Variants in FSTL4 observed in about 807,000 individuals in gnomAD.
FSTL4 encodes follistatin like 4.
A neutral mutation model predicts 78.2 loss-of-function variants in FSTL4; 28 were observed. The ratio of observed to expected loss-of-function variants is 0.36; its 90% CI spans 0.27 to 0.49. The LOEUF (loss-of-function observed/expected upper bound fraction) is 0.49. Among genes scored for constraint, FSTL4 ranks in the 20% least tolerant of loss-of-function variants. The probability of loss-of-function intolerance (pLI) is 0.98; values close to 1 mark genes in which losing one functional copy is unlikely to be tolerated. For missense variants in FSTL4, 922 were observed against 1,084.9 expected (o/e 0.85, Z 2.11); for synonymous variants, 422 against 440.5 (o/e 0.96, Z 0.53).
chr5:133,827,777 C>T, the FSTL4 span, among the ~76,000 whole-genome samples: 7 of 151,644 alleles, frequency 4.6e-5, no homozygotes, highest in East Asian at 1.4e-3. Context: ...CATCCTCAAG[C>T]AGAAGAGGGT....
chr5:133,680,365 T>G, the FSTL4 span, among the ~76,000 whole-genome samples: 3 of 152,148 alleles, frequency 2.0e-5, no homozygotes, highest in Non-Finnish European at 2.9e-5. Flanking sequence ...CCACCAGACG[T>G]GTAGCACCTG....
the FSTL4 span, among the ~76,000 whole-genome samples, chr5:133,782,262 T>A: frequency 6.6e-6 from 1 of 152,278 alleles, no homozygotes; most frequent in African/African-American, 2.4e-5. Flanking sequence ...ACATATTTTA[T>A]AACTACAACT....
At chr5:133,829,387 A>G in the FSTL4 span, among the ~76,000 whole-genome samples, 7 of 36,584 alleles carry the variant, frequency 1.9e-4, no homozygotes, top group Admixed American at 2.6e-3. Context: ...CTCTGTCTCA[A>G]AAAAAAAGAA....
At chr5:133,239,978 A>G (rs1007751852) in intron 7 of FSTL4, among the ~76,000 whole-genome samples, 2 of 152,252 alleles carry the variant, frequency 1.3e-5, no homozygotes, top group Admixed American at 6.5e-5. Context: ...AGACCTCCGG[A>G]GTCAGAAGTG....
chr5:133,836,846 G>T, the FSTL4 span, among the ~76,000 whole-genome samples: 1 of 152,214 alleles, frequency 6.6e-6, no homozygotes, highest in South Asian at 2.1e-4. Context: ...AAGGAAATTT[G>T]TCCTTTTTTC....
At chr5:133,423,496 C>T (rs1172322987) in intron 3 of FSTL4, among the ~76,000 whole-genome samples, 3 of 152,216 alleles carry the variant, frequency 2.0e-5, no homozygotes, top group Non-Finnish European at 4.4e-5. Context: ...CTGCCCAATT[C>T]TGCTGCTATG....
At chr5:133,371,492 C>T (rs745458548) in intron 4 of FSTL4, among the ~76,000 whole-genome samples, 5 of 152,172 alleles carry the variant, frequency 3.3e-5, no homozygotes, top group East Asian at 1.9e-4. Context: ...GGTGGCAGGA[C>T]GGACCTGTCT....
At chr5:133,600,656 A>C (rs143670442) in intron 2 of FSTL4, among the ~76,000 whole-genome samples, 9 of 152,338 alleles carry the variant, frequency 5.9e-5, no homozygotes, top group African/African-American at 1.9e-4. Flanking sequence ...AACACTTGCT[A>C]TAATTGCTTT....
intron 7 of FSTL4, among the ~76,000 whole-genome samples, chr5:133,242,103 C>T (rs145904702): frequency 4.3e-4 from 66 of 152,314 alleles, no homozygotes; most frequent in Middle Eastern, 6.8e-3. Context: ...TTATCTTACA[C>T]GTCAACTTAC....
intron 4 of FSTL4, among the ~76,000 whole-genome samples, chr5:133,319,640 C>G (rs988058686): frequency 1.3e-5 from 2 of 152,186 alleles, no homozygotes; most frequent in African/African-American, 4.8e-5. Flanking sequence ...ACAACCCAGG[C>G]AGAGCCTCCA....
At chr5:133,532,880 C>T (rs1049547647) in intron 3 of FSTL4, among the ~76,000 whole-genome samples, 3 of 152,082 alleles carry the variant, frequency 2.0e-5, no homozygotes, top group Non-Finnish European at 4.4e-5. Flanking sequence ...CCCCTTTGGT[C>T]AAGGGAGTAC....
At chr5:133,343,836 GGTGGT>G (rs763127973) in intron 4 of FSTL4, among the ~76,000 whole-genome samples, 2,335 of 152,268 alleles carry the variant, frequency 0.015, 23 homozygotes, top group Non-Finnish European at 0.025. Context: ...AATCTCAGTG[GGTGGT>G]AATAAATATC....
the FSTL4 span, among the ~76,000 whole-genome samples, chr5:133,660,497 T>C: frequency 6.6e-6 from 1 of 152,194 alleles, no homozygotes; most frequent in Admixed American, 6.5e-5. Flanking sequence ...CCCTGCATCC[T>C]ATGGGGCTAT....
At chr5:133,378,321 T>C (rs1755490076) in intron 4 of FSTL4, among the ~76,000 whole-genome samples, 1 of 152,224 alleles carries the variant, frequency 6.6e-6, no homozygotes, top group African/African-American at 2.4e-5. Context: ...AACTGTACAA[T>C]TGTGCCTATA....
At chr5:133,221,913 T>TTTA (rs1167800807) in intron 11 of FSTL4, among the ~76,000 whole-genome samples, 1 of 97,806 alleles carries the variant, frequency 1.0e-5, no homozygotes, top group African/African-American at 4.6e-5. Context: ...TTTTTTTTTT[T>TTTA]TTTTTTTTTT....
At chr5:133,517,443 A>T (rs1487742033) in intron 3 of FSTL4, among the ~76,000 whole-genome samples, 3,550 of 26,636 alleles carry the variant, frequency 0.13, 637 homozygotes, top group Non-Finnish European at 0.18. Flanking sequence ...AAAAAAAAAA[A>T]AAAAATATAT....
intron 3 of FSTL4, among the ~76,000 whole-genome samples, chr5:133,433,662 GAC>G (rs947485693): frequency 1.3e-5 from 2 of 152,212 alleles, no homozygotes; most frequent in African/African-American, 4.8e-5. Context: ...CGTGAGTGCA[GAC>G]AATTAAAATA....
At chr5:133,782,065 C>G in the FSTL4 span, among the ~76,000 whole-genome samples, 4 of 152,142 alleles carry the variant, frequency 2.6e-5, no homozygotes, top group Non-Finnish European at 5.9e-5. Flanking sequence ...TCAGATTTAC[C>G]CACCCCCACT....
intron 3 of FSTL4, among the ~76,000 whole-genome samples, chr5:133,540,136 TTCCCTGGGTC>T (rs1157969232): frequency 6.6e-6 from 1 of 152,084 alleles, no homozygotes; most frequent in East Asian, 1.9e-4. Context: ...ACTGCAACCC[TTCCCTGGGTC>T]TCCAGCCTGC....
Sources: gnomAD v4.1 joint callset for allele counts (sites outside exome capture counted in the v4.1 genomes callset) on GRCh38, gnomAD v4.1.1 for gene constraint, MANE v1.5 for transcripts, NCBI Gene and HGNC (gene_info 2026-07-23, HGNC 2026-07-21) for gene names.